Variants in EGF observed in about 807,000 individuals in gnomAD.
The protein encoded by EGF is pro-epidermal growth factor.
A neutral mutation model predicts 143.8 loss-of-function variants in EGF; 95 were observed. The observed-to-expected ratio is 0.66, with a 90% CI of 0.56 to 0.78. The LOEUF (loss-of-function observed/expected upper bound fraction) is 0.78, where lower values mean the gene tolerates loss of function less well. Ranked by LOEUF, EGF falls within the 30% of genes least tolerant of loss-of-function variation. EGF has a pLI of 0.00. For synonymous variants in EGF, 510 were observed against 510.5 expected, an observed-to-expected ratio of 1.00 and a Z score of 0.01; for missense variants, 1,320 against 1,470.9, an observed-to-expected ratio of 0.90 and a Z score of 1.68.
intron 3 of EGF, 148 bp from the exon 4 acceptor site, chr4:109,943,694 A>T: frequency 2.6e-6 from 2 of 780,568 alleles, no homozygotes; most frequent in Non-Finnish European, 4.4e-6. Flanking sequence ...TGTAATGTCT[A>T]CAATAGGGCA....
Position 109,976,090 on chromosome 4 carries a change from A to T in EGF, c.1908A>T (p.Ile636=), listed in dbSNP as rs1247437993. The change falls in exon 13 of 24, where the codon ATA becomes ATT. Residue 636 remains isoleucine (I), a synonymous_variant. Transcript: ENST00000265171. ...TCCAAGGCCTTGGCCGTCTGGTTAT[A>T]GCCAGCTCTGATCTAATCTGGCCCA... ...SSLQGLGRLV[I]ASSDLIWPSG... is the part of the protein sequence containing the mutation. 4 of 1,614,112 alleles carry T rather than the reference A, an allele frequency of 2.5e-6. No individual in the cohort carries two copies. Among genetic ancestry groups the T allele is most frequent in the Non-Finnish European group, 3.4e-6 (4 of 1,179,950 alleles).
At chr4:109,984,963 T>C (rs1420576625) in intron 16 of EGF, among the ~76,000 whole-genome samples, 1 of 152,158 alleles carries the variant, frequency 6.6e-6, no homozygotes, top group East Asian at 1.9e-4. Context: ...CACAGTTAGT[T>C]GTGGAGACAA....
intron 14 of EGF, 100 bp from the exon 15 acceptor site, chr4:109,980,726 C>G (rs924408964): frequency 2.2e-6 from 3 of 1,366,434 alleles, no homozygotes; most frequent in African/African-American, 2.9e-5. Context: ...ATTTCTCTCC[C>G]TAAAAGCTAT....
Position 109,980,161 on chromosome 4 carries a change from C to A in EGF, c.2221+22C>A, listed in dbSNP as rs200900675. 9.0e-5 allele frequency: 141 copies of A among 1,574,954 alleles called. 1 individual carries two copies. In the Middle Eastern group the frequency reaches 2.7e-3, roughly 30 times the overall value. ...CCAGGTACATACTGGAGATGTTACA[C>A]AGTCTTTCCTTGGCTGGAATCTGCA... On this transcript the variant is annotated intron_variant, in intron 14 of 23. Coordinates refer to ENST00000265171, the MANE Select transcript of EGF (RefSeq NM_001963.6).
chr4:109,933,438 T>A (rs983306753), intron 1 of EGF, among the ~76,000 whole-genome samples: 2 of 144,268 alleles, frequency 1.4e-5, no homozygotes, highest in Non-Finnish European at 3.1e-5. Context: ...TTTTTTTTTT[T>A]ATACTTTAAG....
chr4:109,953,229 A>C (rs1744231679), intron 5 of EGF, among the ~76,000 whole-genome samples: 1 of 152,196 alleles, frequency 6.6e-6, no homozygotes, highest in Admixed American at 6.5e-5. Flanking sequence ...TGATGTTCAA[A>C]ATTAATTAGC....
intron 2 of EGF, 71 bp from the exon 3 acceptor site, chr4:109,943,183 T>C: frequency 9.3e-7 from 1 of 1,071,036 alleles, no homozygotes; most frequent in South Asian, 1.6e-5. Flanking sequence ...ACTTTTTATA[T>C]ATAACAATTA....
In EGF at chr4:109,987,772, C is replaced by T. The variant is rs924534360; in HGVS notation, c.2520C>T (p.Cys840=). ...AAGATGACTGTGCTCCTGTGGGATG[C>T]AGCATGTATGCTCGGTGTATTTCAG... ...SDQDDCAPVG[C]SMYARCISEG... Residue 840 remains cysteine, a synonymous_variant, in exon 17 of 24, where the codon TGC becomes TGT. Transcript: ENST00000265171. 6.2e-7 allele frequency: 1 copy of T among 1,613,802 alleles called. No individual in the cohort carries two copies. The highest frequency in any genetic ancestry group is 8.5e-7 in the Non-Finnish European group (1 of 1,179,782).
chr4:109,966,414 T>G (rs1746602395), intron 10 of EGF, among the ~76,000 whole-genome samples: 1 of 152,172 alleles, frequency 6.6e-6, no homozygotes, highest in Non-Finnish European at 1.5e-5. Context: ...ATTGTATATA[T>G]ATGACACATT....
Position 110,001,000 on chromosome 4 carries a change from G to A in EGF, c.3173+1154G>A, listed in dbSNP as rs1752502535. Among the ~76,000 whole-genome samples the A allele has an allele frequency of 2.0e-5, 3 of 152,294 alleles. No individual in the cohort carries two copies. The South Asian group carries it at 6.2e-4, about 32-fold the overall frequency. ...CAACCACTCAAGTGGCAACTGTCTTGTGTTCTGGAAAATTCAACATATCAG... is the reference window on the plus strand; with the variant it reads ...CAACCACTCAAGTGGCAACTGTCTTATGTTCTGGAAAATTCAACATATCAG... On this transcript the variant is annotated intron_variant, in intron 21 of 23. Coordinates refer to ENST00000265171, the MANE Select transcript of EGF (RefSeq NM_001963.6).
At chr4:109,968,676 C>CTATCTATG (rs1222176803) in intron 10 of EGF, 1,716 of 132,806 alleles carry the variant, frequency 0.013, 22 homozygotes, top group African/African-American at 0.061. Flanking sequence ...CTATATACAT[C>CTATCTATG]TATCTATCTA....
intron 5 of EGF, among the ~76,000 whole-genome samples, chr4:109,958,832 C>T (rs183851288): frequency 6.2e-4 from 93 of 149,398 alleles, no homozygotes; most frequent in Non-Finnish European, 7.8e-4. Context: ...GCAGGAGAAT[C>T]GCTTGAACAC....
chr4:109,974,673 A>G, intron 11 of EGF, 30 bp from the exon 12 acceptor site: 7 of 1,543,850 alleles, frequency 4.5e-6, no homozygotes, highest in Non-Finnish European at 6.3e-6. Flanking sequence ...AGGTGTTATA[A>G]CAAACTCCCT....
intron 1 of EGF, among the ~76,000 whole-genome samples, chr4:109,918,228 G>C (rs1737041926): frequency 6.7e-6 from 1 of 148,428 alleles, no homozygotes; most frequent in Non-Finnish European, 1.5e-5. Context: ...TATAAGCTCT[G>C]TTCCTTTCTC....
chr4:109,927,585 G>T (rs575670249), intron 1 of EGF, among the ~76,000 whole-genome samples: 2 of 152,052 alleles, frequency 1.3e-5, no homozygotes, highest in South Asian at 2.1e-4. Flanking sequence ...TTAGTTGGGC[G>T]TGGTGGCGGG....
chr4:109,941,944 A>G (rs1321893016), intron 2 of EGF, among the ~76,000 whole-genome samples: 1 of 152,240 alleles, frequency 6.6e-6, no homozygotes, highest in Non-Finnish European at 1.5e-5. Context: ...ACATGACTAG[A>G]GAAACTTTAA....
intron 21 of EGF, chr4:110,001,647 A>G (rs1157998495): frequency 1.0e-6 from 1 of 985,276 alleles, no homozygotes; most frequent in Non-Finnish European, 1.2e-6. Context: ...TTTTTCAGAG[A>G]TCTGGATTGA....
In EGF at chr4:110,011,132, G is replaced by A. The variant is rs558693532; in HGVS notation, c.3371-70G>A. 74 of 1,575,194 alleles carry A rather than the reference G, an allele frequency of 4.7e-5. 1 individual carries two copies. The Middle Eastern group carries it at 7.0e-4, about 15-fold the overall frequency. ...TCAGGCCAGTTCTTCAACCACTACC[G>A]TTTAGGGTCTGTCTTGCCTATCTAT... On this transcript the variant is annotated intron_variant, in intron 23 of 23. Coordinates refer to ENST00000265171, the MANE Select transcript of EGF (RefSeq NM_001963.6).
intron 5 of EGF, among the ~76,000 whole-genome samples, chr4:109,948,029 C>A (rs938383824): frequency 6.6e-6 from 1 of 152,156 alleles, no homozygotes; most frequent in Non-Finnish European, 1.5e-5. Flanking sequence ...TCTTCAGAGC[C>A]CCTCACTACT....
Sources: allele counts gnomAD v4.1 joint callset (sites outside exome capture counted in the v4.1 genomes callset), GRCh38; gene constraint gnomAD v4.1.1; transcripts MANE v1.5; gene names NCBI Gene and HGNC (gene_info 2026-07-23, HGNC 2026-07-21).